PHACTR2: variants seen among roughly 807,000 people sequenced by gnomAD.
PHACTR2 encodes the protein chromosome 6 open reading frame 56.
A neutral mutation model predicts 76.0 loss-of-function variants in PHACTR2; 30 were observed. The observed-to-expected ratio is 0.39, with a 90% confidence interval of 0.30 to 0.54. The LOEUF is 0.54. Among genes scored for constraint, PHACTR2 ranks in the 20% least tolerant of loss-of-function variants. PHACTR2 has a pLI of 0.61. For synonymous variants in PHACTR2, 292 were observed against 292.5 expected (o/e 1.00, Z 0.02); for missense variants, 696 against 781.1 (o/e 0.89, Z 1.30).
intron 6 of PHACTR2, among the ~76,000 whole-genome samples, chr6:143,770,921 C>CTTT (rs1775084665): frequency 8.3e-6 from 1 of 120,958 alleles, no homozygotes. Context: ...TTCTTTCTTT[C>CTTT]TTTCTTTTTT....
At chr6:143,666,205 A>G (rs1356877018) in intron 1 of PHACTR2, among the ~76,000 whole-genome samples, 1 of 152,188 alleles carries the variant, frequency 6.6e-6, no homozygotes, top group Non-Finnish European at 1.5e-5. Flanking sequence ...AAGGACATGA[A>G]CTAATCCTTT....
rs1193437820 is a variant in PHACTR2 at position 143,822,048 on chromosome 6, C to G, written c.1923-1626C>G. Reference sequence around the variant, plus strand: ...AAGTAGGTAGAGGAAAGGGCATTAGCGCAAAAGCCTTTTTGGGGCAAGTGA... The same window carrying G: ...AAGTAGGTAGAGGAAAGGGCATTAGGGCAAAAGCCTTTTTGGGGCAAGTGA... On this transcript the variant is annotated intron_variant, in intron 12 of 12. Transcript: ENST00000440869. The surrounding 1 kb of genome is among the most constrained non-coding windows in gnomAD (Gnocchi z 5.5). Among the ~76,000 whole-genome samples, 1 of 151,940 alleles carries G rather than the reference C, an allele frequency of 6.6e-6. No homozygotes were observed. The highest frequency in any genetic ancestry group is 6.6e-5 in the Admixed American group (1 of 15,248).
rs1429362928 is a variant in PHACTR2, at chr6:143,700,110, T to C, written c.47-11906T>C. Among the ~76,000 whole-genome samples, 1 of 152,216 alleles carries C rather than the reference T, an allele frequency of 6.6e-6. No homozygotes were observed. Among genetic ancestry groups the C allele is most frequent in the Non-Finnish European group, 1.5e-5 (1 of 68,046 alleles). On this transcript the variant is annotated intron_variant, in intron 1 of 12. Transcript: ENST00000440869. The surrounding 1 kb of genome is among the most constrained non-coding windows in gnomAD (Gnocchi z 4.1). ...AACGTTAGTCACATTATATATATTC[T>C]CTGGGCTTTTATTTATCCACCAGCC...
At chr6:143,711,674 AT>A (rs1383186762) in intron 1 of PHACTR2, among the ~76,000 whole-genome samples, 1 of 152,212 alleles carries the variant, frequency 6.6e-6, no homozygotes, top group African/African-American at 2.4e-5. Flanking sequence ...TATTTCACAA[AT>A]ACTTAGAATA....
chr6:143,707,182 AAT>A (rs1778074440), intron 1 of PHACTR2, among the ~76,000 whole-genome samples: 1 of 152,220 alleles, frequency 6.6e-6, no homozygotes, highest in Non-Finnish European at 1.5e-5. Context: ...AGCACAAAAA[AAT>A]AACAAAGCCT....
chr6:143,762,540 T>C (rs1404067649), intron 5 of PHACTR2, among the ~76,000 whole-genome samples: 1 of 152,196 alleles, frequency 6.6e-6, no homozygotes, highest in Admixed American at 6.5e-5. Flanking sequence ...TTATCAAATA[T>C]TGATAATATC....
intron 1 of PHACTR2, among the ~76,000 whole-genome samples, chr6:143,576,209 C>T (rs968781616): frequency 6.6e-6 from 1 of 152,180 alleles, no homozygotes; most frequent in Non-Finnish European, 1.5e-5. Context: ...CCTTTAATTA[C>T]CTTTGAGTTA....
At chr6:143,699,805 C>A (rs1193763276) in intron 1 of PHACTR2, among the ~76,000 whole-genome samples, 1 of 152,206 alleles carries the variant, frequency 6.6e-6, no homozygotes, top group Non-Finnish European at 1.5e-5. Flanking sequence ...CTTTTCGCTC[C>A]TTCTCTCCAA....
chr6:143,598,891 G>A lies in PHACTR2; in HGVS notation c.217+61684G>A, dbSNP rs142736033. On this transcript the variant is annotated intron_variant, in intron 1 of 11. Transcript: ENST00000367584. The surrounding 1 kb of genome is among the most constrained non-coding windows in gnomAD (Gnocchi z 4.1). ...TAGAGCCATTTAAATGGCTGGCATT[G>A]ATGCTTTCTGTTATCTGTTCCAGGT... Among the ~76,000 whole-genome samples the A allele has an allele frequency of 6.8e-4, 104 of 152,330 alleles. No homozygotes were observed. Among genetic ancestry groups the A allele is most frequent in the African/African-American group, 2.4e-3 (101 of 41,578 alleles).
upstream of PHACTR2, among the ~76,000 whole-genome samples, chr6:143,604,902 A>AAG (rs1384459326): frequency 1.3e-5 from 2 of 151,426 alleles, no homozygotes; most frequent in Non-Finnish European, 3.0e-5. Context: ...AAAAAAAAAA[A>AAG]AGAGAAAAAA....
intron 1 of PHACTR2, among the ~76,000 whole-genome samples, chr6:143,694,464 A>T (rs972377565): frequency 2.6e-5 from 4 of 152,200 alleles, no homozygotes; most frequent in Non-Finnish European, 5.9e-5. Context: ...GACTGGTTTT[A>T]TAATCTTCTT....
chr6:143,771,162 A>ACG (rs1775104054), intron 6 of PHACTR2, among the ~76,000 whole-genome samples: 1 of 34,660 alleles, frequency 2.9e-5, no homozygotes, highest in African/African-American at 1.7e-4. Context: ...ATATATGTAT[A>ACG]TATATATATA....
chr6:143,820,007 A>G lies in PHACTR2; in HGVS notation c.1923-3667A>G, dbSNP rs1354750483. On this transcript the variant is annotated intron_variant, in intron 12 of 12. Coordinates refer to ENST00000440869, the MANE Select transcript of PHACTR2 (RefSeq NM_001100164.2). The surrounding 1 kb of genome is among the most constrained non-coding windows in gnomAD (Gnocchi z 4.2). ...CAGAAAGCGAAGGGGGAGCAGGCAC[A>G]TCACATGGCAAGAATGGGAGAAAGA... Among the ~76,000 whole-genome samples, 2 of 152,196 alleles carry G rather than the reference A, an allele frequency of 1.3e-5. No homozygotes were observed. The highest frequency in any genetic ancestry group is 2.9e-5 in the Non-Finnish European group (2 of 68,038).
rs1243842558 is a variant in PHACTR2 at position 143,617,052 on chromosome 6, A to G, written c.13+8730A>G. Among the ~76,000 whole-genome samples the G allele has an allele frequency of 6.6e-6, 1 of 152,156 alleles. No homozygotes were observed. Among genetic ancestry groups the G allele is most frequent in the African/African-American group, 2.4e-5 (1 of 41,432 alleles). On this transcript the variant is annotated intron_variant, in intron 1 of 11. Coordinates refer to the PHACTR2 transcript ENST00000305766. This position sits in a 1 kb window ranked among gnomAD's most constrained non-coding sequence, Gnocchi z 4.8. Reference sequence around the variant, plus strand: ...CTTTCAGGAGCCTTTGAAGGGTTTTACGAGACTGGGAAGAATGGACTGGAA... The same window carrying G: ...CTTTCAGGAGCCTTTGAAGGGTTTTGCGAGACTGGGAAGAATGGACTGGAA...
rs1775267932 is a variant in PHACTR2, at chr6:143,776,143, A to T, written c.1590-1185A>T. ...TCAAAAAAAATGTAAAAATAAATTT[A>T]AAAAATATATACTAAATATCTTACT... On this transcript the variant is annotated intron_variant, in intron 8 of 12. Transcript: ENST00000440869. This position sits in a 1 kb window ranked among gnomAD's most constrained non-coding sequence, Gnocchi z 5.3. 6.6e-6 allele frequency among the ~76,000 whole-genome samples: 1 copy of T among 152,160 alleles called. No homozygotes were observed. Among genetic ancestry groups the T allele is most frequent in the African/African-American group, 2.4e-5 (1 of 41,448 alleles).
At chr6:143,620,639 T>C (rs1258113416) in intron 1 of PHACTR2, among the ~76,000 whole-genome samples, 1 of 152,186 alleles carries the variant, frequency 6.6e-6, no homozygotes, top group African/African-American at 2.4e-5. Context: ...CATGCACAGC[T>C]TAACTGCACA....
At chr6:143,584,742 A>G (rs1370880438) in intron 1 of PHACTR2, among the ~76,000 whole-genome samples, 1 of 152,152 alleles carries the variant, frequency 6.6e-6, no homozygotes, top group East Asian at 1.9e-4. Context: ...GCTCTGGGTA[A>G]TCATTTTAGC....
In PHACTR2 at chr6:143,776,590, T is replaced by C. The variant is rs1039340232; in HGVS notation, c.1590-738T>C. 6.6e-6 allele frequency among the ~76,000 whole-genome samples: 1 copy of C among 151,970 alleles called. No individual in the cohort carries two copies. The highest frequency in any genetic ancestry group is 2.4e-5 in the African/African-American group (1 of 41,360). ...GCTAGAAGGAAAGGAGACTGTGTAA[T>C]GGGGGTCAGTGAGCAGCCTCAGCCA... is the stretch of plus-strand genomic sequence containing the variant. On this transcript the variant is annotated intron_variant, in intron 8 of 12. Transcript: ENST00000440869. This position sits in a 1 kb window ranked among gnomAD's most constrained non-coding sequence, Gnocchi z 5.3.
At chr6:143,719,384 A>C in intron 2 of PHACTR2, among the ~76,000 whole-genome samples, 6 of 108,884 alleles carry the variant, frequency 5.5e-5, no homozygotes, top group Admixed American at 1.2e-4. Context: ...ACAGAGTCTC[A>C]CTCTCGCCCA....
Sources: allele counts gnomAD v4.1 joint callset (sites outside exome capture counted in the v4.1 genomes callset), GRCh38; gene constraint gnomAD v4.1.1; non-coding constraint Gnocchi (gnomAD v3.1); transcripts MANE v1.5; gene names NCBI Gene and HGNC (gene_info 2026-07-23, HGNC 2026-07-21).